The following DLG2 variants were observed in gnomAD, a reference collection of about 807,000 sequenced individuals.
The protein encoded by DLG2 is discs large MAGUK scaffold protein 2.
In DLG2, 45 loss-of-function variants were observed where a neutral mutation model predicts 132.5. That is an observed-to-expected ratio of 0.34 (90% confidence interval 0.27 to 0.44). The LOEUF (loss-of-function observed/expected upper bound fraction) is 0.44. Among genes scored for constraint, DLG2 ranks in the 20% least tolerant of loss-of-function variants. The probability of loss-of-function intolerance (pLI) is 1.00; values close to 1 mark genes in which losing one functional copy is unlikely to be tolerated. For synonymous variants in DLG2, 424 were observed against 419.6 expected (o/e 1.01, Z -0.13); for missense variants, 1,045 against 1,196.9 (o/e 0.87, Z 1.87).
chr11:84,614,905 A>G (rs866343307), intron 6 of DLG2, among the ~76,000 whole-genome samples: 43 of 152,234 alleles, frequency 2.8e-4, no homozygotes, highest in Middle Eastern at 3.4e-3. Flanking sequence ...CTGTTACAGG[A>G]CTTTCAAAGT....
intron 11 of DLG2, among the ~76,000 whole-genome samples, chr11:84,021,898 C>T (rs1198852747): frequency 6.6e-6 from 1 of 152,028 alleles, no homozygotes; most frequent in Non-Finnish European, 1.5e-5. Context: ...CAGGCATGTG[C>T]CACCACACCT....
intron 3 of DLG2, among the ~76,000 whole-genome samples, chr11:85,407,305 G>T (rs1273838357): frequency 6.6e-6 from 1 of 151,824 alleles, no homozygotes; most frequent in Non-Finnish European, 1.5e-5. Context: ...AAGAGAACCA[G>T]TTGGAAGGCT....
At chr11:84,256,026 G>A (rs1225238567) in intron 7 of DLG2, among the ~76,000 whole-genome samples, 1 of 151,966 alleles carries the variant, frequency 6.6e-6, no homozygotes, top group South Asian at 2.1e-4. Flanking sequence ...GATAGATCAA[G>A]TTATTAATGA....
At chr11:84,998,655 G>A (rs1386066041) in intron 6 of DLG2, among the ~76,000 whole-genome samples, 1 of 152,072 alleles carries the variant, frequency 6.6e-6, no homozygotes, top group African/African-American at 2.4e-5. Context: ...GAGCAGGTAC[G>A]TAAAGTATGT....
chr11:84,419,525 T>G (rs188658176), intron 7 of DLG2, among the ~76,000 whole-genome samples: 8 of 152,294 alleles, frequency 5.3e-5, no homozygotes, highest in East Asian at 3.9e-4. Flanking sequence ...GCCCTTCCAT[T>G]AAAAACACGT....
chr11:84,918,420 C>A (rs914998692), intron 6 of DLG2, among the ~76,000 whole-genome samples: 8 of 152,046 alleles, frequency 5.3e-5, no homozygotes, highest in Non-Finnish European at 1.2e-4. Flanking sequence ...GATATAGACA[C>A]CCTGTACTGT....
chr11:85,143,256 T>C (rs1006479164), intron 5 of DLG2, among the ~76,000 whole-genome samples: 1 of 151,868 alleles, frequency 6.6e-6, no homozygotes, highest in Non-Finnish European at 1.5e-5. Flanking sequence ...GTTTCAGATT[T>C]TTTTCATGGT....
intron 20 of DLG2, among the ~76,000 whole-genome samples, chr11:83,538,960 A>G (rs567854551): frequency 6.6e-6 from 1 of 152,312 alleles, no homozygotes; most frequent in Non-Finnish European, 1.5e-5. Flanking sequence ...CTTAAGTGCA[A>G]TTCTGTAGCC....
intron 19 of DLG2, among the ~76,000 whole-genome samples, chr11:83,583,670 C>T (rs1349871143): frequency 6.6e-6 from 1 of 152,158 alleles, no homozygotes; most frequent in African/African-American, 2.4e-5. Context: ...CAAAGACAAG[C>T]CTCAGTTCTT....
intron 6 of DLG2, among the ~76,000 whole-genome samples, chr11:85,028,930 A>C (rs1196304088): frequency 6.6e-6 from 1 of 152,066 alleles, no homozygotes; most frequent in East Asian, 1.9e-4. Flanking sequence ...ACCCCGCTGC[A>C]GTTGGCGTCT....
rs557216191 is a variant in DLG2, at chr11:85,165,706, A to C, written c.187-11055T>G. Among the ~76,000 whole-genome samples, 3 of 152,304 alleles carry C rather than the reference A, an allele frequency of 2.0e-5. No homozygotes were observed. In the South Asian group the frequency reaches 6.2e-4, roughly 32 times the overall value. On this transcript the variant is annotated intron_variant, in intron 4 of 27. Coordinates refer to ENST00000376104, the MANE Select transcript of DLG2 (RefSeq NM_001142699.3). ...TTTAATGATCAAACTGGTTTTCAGG[A>C]AATTTTGTTCTTTGACAGCAACTAT...
intron 2 of DLG2, among the ~76,000 whole-genome samples, chr11:85,610,972 T>G (rs565929413): frequency 6.6e-6 from 1 of 152,272 alleles, no homozygotes; most frequent in East Asian, 1.9e-4. Context: ...ACTCATCTAG[T>G]AGAATGAGAA....
In DLG2 at chr11:84,171,677, T is replaced by C. The variant is rs377181038; in HGVS notation, c.574-8166A>G. Among the ~76,000 whole-genome samples, 202 of 152,316 alleles carry C rather than the reference T, an allele frequency of 1.3e-3. 2 individuals carry two copies. Among genetic ancestry groups the C allele is most frequent in the Middle Eastern group, 3.4e-3 (1 of 294 alleles). On this transcript the variant is annotated intron_variant, in intron 8 of 27. Coordinates refer to ENST00000376104, the MANE Select transcript of DLG2 (RefSeq NM_001142699.3). ...TTTGCTATTGTGAATAGAGCTGCAATAAATATATGAGTGCAGGTATCTTTT... is the reference window on the plus strand; with the variant it reads ...TTTGCTATTGTGAATAGAGCTGCAACAAATATATGAGTGCAGGTATCTTTT...
At chr11:85,587,273 C>A (rs2079031409) in intron 3 of DLG2, among the ~76,000 whole-genome samples, 1 of 152,020 alleles carries the variant, frequency 6.6e-6, no homozygotes, top group Non-Finnish European at 1.5e-5. Context: ...GTCTTGATGA[C>A]CTCTCTAGTG....
intron 8 of DLG2, among the ~76,000 whole-genome samples, chr11:84,171,882 C>T (rs1596567325): frequency 6.6e-6 from 1 of 152,256 alleles, no homozygotes; most frequent in East Asian, 1.9e-4. Context: ...ATTAATACAA[C>T]TAGATTGTCC....
chr11:83,788,801 C>A (rs1391629702), intron 17 of DLG2, among the ~76,000 whole-genome samples: 1 of 152,134 alleles, frequency 6.6e-6, no homozygotes, highest in East Asian at 1.9e-4. Flanking sequence ...AGGTAAAAGT[C>A]CCCTCACCAT....
At chr11:84,811,396 G>A (rs895869255) in intron 6 of DLG2, among the ~76,000 whole-genome samples, 19 of 152,148 alleles carry the variant, frequency 1.2e-4, no homozygotes, top group African/African-American at 4.3e-4. Flanking sequence ...AGGACCTCAA[G>A]TGAGTTTAGG....
chr11:83,707,436 G>T (rs375775892), intron 18 of DLG2, among the ~76,000 whole-genome samples: 3 of 152,214 alleles, frequency 2.0e-5, no homozygotes, highest in African/African-American at 7.2e-5. Context: ...TTGGGAGGCC[G>T]AGGGGGGCAG....
chr11:84,904,695 A>G (rs1286515257), intron 6 of DLG2, among the ~76,000 whole-genome samples: 1 of 152,220 alleles, frequency 6.6e-6, no homozygotes, highest in South Asian at 2.1e-4. Context: ...GGTCATTGTG[A>G]AGTTTTAATA....
Sources: allele counts gnomAD v4.1 joint callset (sites outside exome capture counted in the v4.1 genomes callset), GRCh38; gene constraint gnomAD v4.1.1; transcripts MANE v1.5; gene names NCBI Gene and HGNC (gene_info 2026-07-23, HGNC 2026-07-21).